FSTL4: variants seen among roughly 807,000 people sequenced by gnomAD.
The protein encoded by FSTL4 is follistatin like 4.
In FSTL4, 28 loss-of-function variants were observed where a neutral mutation model predicts 78.2. That is an observed-to-expected ratio of 0.36 (90% CI 0.27 to 0.49). The LOEUF is 0.49. Among genes scored for constraint, FSTL4 ranks in the 20% least tolerant of loss-of-function variants. The pLI is 0.98. For synonymous variants in FSTL4, 422 were observed against 440.5 expected, an observed-to-expected ratio of 0.96 and a Z score of 0.53; for missense variants, 922 against 1,084.9, an observed-to-expected ratio of 0.85 and a Z score of 2.11.
chr5:133,747,924 C>G, the FSTL4 span, among the ~76,000 whole-genome samples: 2 of 152,196 alleles, frequency 1.3e-5, no homozygotes, highest in African/African-American at 2.4e-5. Flanking sequence ...AGGCTGGGAA[C>G]AGTGGCTCAC....
chr5:133,795,363 A>G, the FSTL4 span, among the ~76,000 whole-genome samples: 3 of 152,324 alleles, frequency 2.0e-5, no homozygotes, highest in African/African-American at 7.2e-5. Context: ...GCCCTGCCTC[A>G]TGTTCACTGT....
At chr5:133,596,302 C>T (rs893678268) in intron 2 of FSTL4, among the ~76,000 whole-genome samples, 24 of 152,276 alleles carry the variant, frequency 1.6e-4, no homozygotes, top group African/African-American at 4.8e-4. Flanking sequence ...GTGCTGGAGG[C>T]GTCTGTCACC....
intron 3 of FSTL4, among the ~76,000 whole-genome samples, chr5:133,527,471 GTA>G (rs1561457443): frequency 8.8e-6 from 1 of 113,590 alleles, no homozygotes; most frequent in African/African-American, 3.0e-5. Flanking sequence ...ATGTGCACGT[GTA>G]CACACACACA....
intron 4 of FSTL4, among the ~76,000 whole-genome samples, chr5:133,383,175 G>C (rs1333633664): frequency 6.6e-6 from 1 of 152,134 alleles, no homozygotes; most frequent in East Asian, 1.9e-4. Context: ...CTCTTCCTGT[G>C]GCCCACATCC....
intron 7 of FSTL4, chr5:133,248,621 C>G (rs1418493532): frequency 6.6e-6 from 1 of 152,182 alleles, no homozygotes; most frequent in Non-Finnish European, 1.5e-5. Flanking sequence ...TAGATTAATT[C>G]ATTGAGGATC....
At chr5:133,677,067 G>A in the FSTL4 span, among the ~76,000 whole-genome samples, 2 of 152,174 alleles carry the variant, frequency 1.3e-5, no homozygotes, top group South Asian at 2.1e-4. Context: ...TAGTACATTC[G>A]TGCTCACACA....
the FSTL4 span, among the ~76,000 whole-genome samples, chr5:133,650,643 A>G: frequency 1.3e-5 from 2 of 152,072 alleles, no homozygotes; most frequent in South Asian, 4.2e-4. Context: ...CCATTGATCT[A>G]TCTGTCTGTT....
At chr5:133,441,227 CT>C (rs1757153831) in intron 3 of FSTL4, among the ~76,000 whole-genome samples, 1 of 152,102 alleles carries the variant, frequency 6.6e-6, no homozygotes, top group Non-Finnish European at 1.5e-5. Flanking sequence ...GGATGCCTTC[CT>C]GCACCTGAGG....
intron 6 of FSTL4, among the ~76,000 whole-genome samples, chr5:133,288,892 C>T (rs1439935114): frequency 6.6e-6 from 1 of 152,056 alleles, no homozygotes; most frequent in Non-Finnish European, 1.5e-5. Context: ...GGAAAACTGT[C>T]TGCTCTCTTT....
intron 4 of FSTL4, among the ~76,000 whole-genome samples, chr5:133,345,952 T>C (rs1474123981): frequency 1.3e-5 from 2 of 152,228 alleles, no homozygotes; most frequent in Admixed American, 6.5e-5. Flanking sequence ...TGTATGTTTA[T>C]TGCGCCACTA....
In FSTL4 at chr5:133,349,589, G is replaced by A. The variant is rs191911316; in HGVS notation, c.410-32937C>T. Among the ~76,000 whole-genome samples the A allele has an allele frequency of 4.6e-5, 7 of 150,914 alleles. No homozygotes were observed. In the East Asian group the frequency reaches 5.9e-4, roughly 13 times the overall value. On this transcript the variant is annotated intron_variant, in intron 4 of 15. Coordinates refer to ENST00000265342, the MANE Select transcript of FSTL4 (RefSeq NM_015082.2). ...GACTTTGTTTGTCATGCTGCCATGC[G>A]ACTGTAAAGGACCCATAGGATGGAC...
At chr5:133,723,886 G>T in the FSTL4 span, among the ~76,000 whole-genome samples, 4 of 152,192 alleles carry the variant, frequency 2.6e-5, no homozygotes, top group African/African-American at 9.7e-5. Context: ...CTGGGCTGGG[G>T]AAACGGAGAA....
At chr5:133,591,430 T>C (rs933819401) in intron 2 of FSTL4, among the ~76,000 whole-genome samples, 2 of 152,158 alleles carry the variant, frequency 1.3e-5, no homozygotes, top group African/African-American at 4.8e-5. Context: ...CGTTTCTCTG[T>C]GTGCTTGCTG....
At chr5:133,528,246 T>C (rs1036657525) in intron 3 of FSTL4, among the ~76,000 whole-genome samples, 1 of 152,250 alleles carries the variant, frequency 6.6e-6, no homozygotes, top group Non-Finnish European at 1.5e-5. Context: ...GGCCTCACTA[T>C]GGCCTACAAG....
intron 3 of FSTL4, among the ~76,000 whole-genome samples, chr5:133,403,294 C>T (rs1000230099): frequency 3.9e-5 from 6 of 152,156 alleles, no homozygotes; most frequent in South Asian, 2.1e-4. Flanking sequence ...TGCTTCAGAG[C>T]GTGTGCCCTG....
chr5:133,444,752 G>C (rs547183080), intron 3 of FSTL4, among the ~76,000 whole-genome samples: 10 of 152,204 alleles, frequency 6.6e-5, no homozygotes, highest in Admixed American at 6.5e-4. Flanking sequence ...TCTTTCCCCA[G>C]ATACGTGGTG....
At chr5:133,489,198 C>T (rs555612583) in intron 3 of FSTL4, among the ~76,000 whole-genome samples, 133 of 152,330 alleles carry the variant, frequency 8.7e-4, no homozygotes, top group Non-Finnish European at 1.3e-3. Context: ...ACCCGTTTCT[C>T]GGCTAACCTT....
intron 4 of FSTL4, among the ~76,000 whole-genome samples, chr5:133,337,761 G>A (rs1754497171): frequency 6.6e-6 from 1 of 152,152 alleles, no homozygotes; most frequent in South Asian, 2.1e-4. Context: ...CTTTCAACAT[G>A]CTCCAAGTAG....
chr5:133,434,236 G>T (rs1220874010), intron 3 of FSTL4, among the ~76,000 whole-genome samples: 1 of 152,042 alleles, frequency 6.6e-6, no homozygotes, highest in African/African-American at 2.4e-5. Flanking sequence ...GATAAGACTT[G>T]GTTTGATGGA....
Sources: gnomAD v4.1 joint callset for allele counts (sites outside exome capture counted in the v4.1 genomes callset) on GRCh38, gnomAD v4.1.1 for gene constraint, MANE v1.5 for transcripts, NCBI Gene and HGNC (gene_info 2026-07-23, HGNC 2026-07-21) for gene names.